FGF10: variants seen among roughly 807,000 people sequenced by gnomAD.
FGF10 encodes FGF-10.
A neutral mutation model predicts 19.8 loss-of-function variants in FGF10; 2 were observed. The observed-to-expected ratio is 0.10, with a 90% CI of 0.04 to 0.32. The LOEUF (loss-of-function observed/expected upper bound fraction) is 0.32. FGF10 is among the 10% of genes least tolerant of loss of function. FGF10 has a pLI of 1.00. For synonymous variants in FGF10, 112 were observed against 94.0 expected (o/e 1.19, Z -1.10); for missense variants, 191 against 246.3 (o/e 0.78, Z 1.50).
At chr5:44,310,693 T>C (rs1740192081) in intron 1 of FGF10, among the ~76,000 whole-genome samples, 163 bp from the exon 2 acceptor site, 1 of 152,142 alleles carries the variant, frequency 6.6e-6, no homozygotes, top group African/African-American at 2.4e-5. Context: ...TTTTTCAATG[T>C]GTCTTAAAAC....
chr5:44,310,849 A>G (rs1415476240), intron 1 of FGF10, among the ~76,000 whole-genome samples: 1 of 152,128 alleles, frequency 6.6e-6, no homozygotes, highest in Non-Finnish European at 1.5e-5. Context: ...CCCTATAAAT[A>G]TTGAAACAAC....
intron 1 of FGF10, among the ~76,000 whole-genome samples, chr5:44,315,681 A>G (rs1740329051): frequency 6.6e-6 from 1 of 152,168 alleles, no homozygotes; most frequent in Non-Finnish European, 1.5e-5. Context: ...CATAGTTAGC[A>G]CAATGTAAGA....
intron 1 of FGF10, among the ~76,000 whole-genome samples, chr5:44,377,087 T>G (rs1741884142): frequency 6.6e-6 from 1 of 152,190 alleles, no homozygotes. Flanking sequence ...TCCTGAAAAC[T>G]TCATGTTTGA....
intron 1 of FGF10, among the ~76,000 whole-genome samples, chr5:44,372,659 G>A (rs1426607247): frequency 1.3e-5 from 2 of 152,138 alleles, no homozygotes; most frequent in Non-Finnish European, 2.9e-5. Flanking sequence ...TCTATCCTGG[G>A]CAAAATTATT....
At chr5:44,366,484 T>A (rs1458334624) in intron 1 of FGF10, among the ~76,000 whole-genome samples, 1 of 151,972 alleles carries the variant, frequency 6.6e-6, no homozygotes, top group Non-Finnish European at 1.5e-5. Context: ...GCAGGACTTG[T>A]ATGGGCTGAC....
chr5:44,389,030 C>T lies in FGF10; in HGVS notation c.-348G>A. 1 of 402,006 alleles carries T rather than the reference C, an allele frequency of 2.5e-6. No homozygotes were observed. The highest frequency in any genetic ancestry group is 4.7e-6 in the Non-Finnish European group (1 of 212,822). 24.9% of individuals were successfully genotyped at this position (402,006 alleles called of 1,614,324 possible). Reference sequence around the variant, plus strand: ...ACTTTGTTCTCTTCTTTACTCCTTTCTTCACCATGTTAGATGCCAAAAAGG... The same window carrying T: ...ACTTTGTTCTCTTCTTTACTCCTTTTTTCACCATGTTAGATGCCAAAAAGG... On this transcript the variant is annotated 5_prime_UTR_variant, in exon 1 of 3. Transcript: ENST00000264664.
At chr5:44,364,726 G>T (rs538718339) in intron 1 of FGF10, among the ~76,000 whole-genome samples, 5 of 151,854 alleles carry the variant, frequency 3.3e-5, no homozygotes, top group African/African-American at 1.2e-4. Context: ...TGGCGTTATG[G>T]TGAAAACTAA....
intron 1 of FGF10, among the ~76,000 whole-genome samples, chr5:44,361,860 C>G (rs996010704): frequency 1.3e-5 from 2 of 151,612 alleles, no homozygotes; most frequent in Non-Finnish European, 3.0e-5. Context: ...CATTTCCTTT[C>G]GTCTGCATCT....
At chr5:44,330,812 A>T (rs934635372) in intron 1 of FGF10, among the ~76,000 whole-genome samples, 1 of 152,156 alleles carries the variant, frequency 6.6e-6, no homozygotes, top group Non-Finnish European at 1.5e-5. Flanking sequence ...AAAATGTCAA[A>T]ATTACAATTT....
intron 1 of FGF10, among the ~76,000 whole-genome samples, chr5:44,340,708 T>C (rs1403476890): frequency 1.3e-5 from 2 of 152,008 alleles, no homozygotes; most frequent in Non-Finnish European, 2.9e-5. Context: ...TCTGGTGGAA[T>C]AACTTTCTTG....
chr5:44,383,542 C>T (rs925177082), intron 1 of FGF10, among the ~76,000 whole-genome samples: 1 of 152,082 alleles, frequency 6.6e-6, no homozygotes, highest in Non-Finnish European at 1.5e-5. Context: ...ATACGGGCAT[C>T]TGATTCCTGA....
At position 44,310,530 on chromosome 5, in the gene FGF10, C is replaced by T. The variant is rs961216513; in HGVS notation, c.326G>A (p.Ser109Asn). 2 of 1,601,112 alleles carry T rather than the reference C, an allele frequency of 1.2e-6. No homozygotes were observed. The highest frequency in any genetic ancestry group is 1.3e-5 in the African/African-American group (1 of 74,488). Residue 109 changes from serine (S) to asparagine (N), a missense_variant and splice_region_variant, in exon 2 of 3, where the codon AGC becomes AAC. Ser to Asn is a conservative substitution (Grantham distance 46, BLOSUM62 1). Around this residue, in one of 2 missense-constraint regions of FGF10, gnomAD observed 99 missense variants for 161.7 expected, o/e 0.61. Transcript: ENST00000264664. The stretch of plus-strand genomic sequence containing the variant: ...TTCTACTGATGTTATCTCCAGGATG[C>T]CTAAAACATACAATTTTAAAAGGCT... ...SGTKKENCPY[S>N]ILEITSVEIG...
intron 1 of FGF10, among the ~76,000 whole-genome samples, chr5:44,314,081 C>A (rs1740276025): frequency 6.6e-6 from 1 of 151,930 alleles, no homozygotes; most frequent in Admixed American, 6.6e-5. Context: ...GGAGATGAGA[C>A]CTGAACTGAG....
chr5:44,351,150 T>C (rs1741223832), intron 1 of FGF10, among the ~76,000 whole-genome samples: 1 of 151,530 alleles, frequency 6.6e-6, no homozygotes, highest in Non-Finnish European at 1.5e-5. Context: ...CCTTTTTCTT[T>C]AGGAAGAAGA....
At position 44,361,116 on chromosome 5, in the gene FGF10, G is replaced by C. The variant is rs114137372; in HGVS notation, c.325+27242C>G. ...GAATAGTAAACATTTTATATGATAA[G>C]AGTTGCCTTGCAGCAGCAACTCTCA... On this transcript the variant is annotated intron_variant, in intron 1 of 2. Coordinates refer to ENST00000264664, the MANE Select transcript of FGF10 (RefSeq NM_004465.2). Among the ~76,000 whole-genome samples, 1,495 of 151,748 alleles carry C rather than the reference G, an allele frequency of 9.9e-3. 26 individuals carry two copies. Among genetic ancestry groups the C allele is most frequent in the African/African-American group, 0.034 (1,411 of 41,468 alleles).
chr5:44,345,368 T>C (rs1741065642), intron 1 of FGF10, among the ~76,000 whole-genome samples: 1 of 151,814 alleles, frequency 6.6e-6, no homozygotes. Context: ...ATATTTTCTG[T>C]TTACAAGACT....
chr5:44,358,989 A>T (rs1741414815), intron 1 of FGF10, among the ~76,000 whole-genome samples: 1 of 151,506 alleles, frequency 6.6e-6, no homozygotes, highest in Admixed American at 6.6e-5. Flanking sequence ...TTTGTGGTAC[A>T]TTTGTTCTCT....
At chr5:44,333,266 A>G (rs1053654066) in intron 1 of FGF10, among the ~76,000 whole-genome samples, 2 of 152,176 alleles carry the variant, frequency 1.3e-5, no homozygotes, top group Non-Finnish European at 2.9e-5. Flanking sequence ...GAGTATATAT[A>G]GCTAGATGCA....
At chr5:44,375,655 A>G (rs1741836705) in intron 1 of FGF10, among the ~76,000 whole-genome samples, 1 of 152,162 alleles carries the variant, frequency 6.6e-6, no homozygotes, top group Non-Finnish European at 1.5e-5. Context: ...TCTAAGAGGG[A>G]ACTAGCTTGT....
Sources: allele counts gnomAD v4.1 joint callset (sites outside exome capture counted in the v4.1 genomes callset), GRCh38; gene constraint gnomAD v4.1.1; regional missense constraint gnomAD v4.1.1; transcripts MANE v1.5; gene names NCBI Gene and HGNC (gene_info 2026-07-23, HGNC 2026-07-21).